Variants in GBE1 observed in about 807,000 individuals in gnomAD.
The protein encoded by GBE1 is 1,4-alpha-glucan branching enzyme 1, also known as 1,4-alpha-glucan-branching enzyme.
In GBE1, 70 loss-of-function variants were observed where a neutral mutation model predicts 88.8. The ratio of observed to expected loss-of-function variants is 0.79; its 90% CI spans 0.65 to 0.96. GBE1 has a LOEUF of 0.96. Ranked by LOEUF, GBE1 falls within the 40% of genes least tolerant of loss-of-function variation. GBE1 has a pLI of 0.00. For synonymous variants in GBE1, 284 were observed against 300.1 expected (o/e 0.95, Z 0.56); for missense variants, 872 against 871.0 (o/e 1.00, Z -0.01).
intron 12 of GBE1, among the ~76,000 whole-genome samples, chr3:81,539,531 G>A (rs1040237248): frequency 1.3e-5 from 2 of 151,886 alleles, no homozygotes; most frequent in African/African-American, 2.4e-5. Flanking sequence ...AAAAAAGACT[G>A]GATATCAGGG....
At chr3:81,708,542 G>A (rs768718375) in intron 1 of GBE1, among the ~76,000 whole-genome samples, 2 of 152,076 alleles carry the variant, frequency 1.3e-5, no homozygotes, top group South Asian at 2.1e-4. Flanking sequence ...TATGGTTCAG[G>A]AGAAAAGACA....
chr3:81,654,987 C>G (rs1446763412), intron 3 of GBE1: 1 of 152,034 alleles, frequency 6.6e-6, no homozygotes, highest in Non-Finnish European at 1.5e-5. Flanking sequence ...TGAGTTGTCC[C>G]GAGTTCTGGA....
chr3:81,612,803 C>A, intron 7 of GBE1: 2 of 430,412 alleles, frequency 4.6e-6, no homozygotes, highest in South Asian at 3.8e-5. Context: ...CAGAGAGCTT[C>A]TTTACCTGAT....
At chr3:81,672,480 C>T (rs1002034376) in intron 2 of GBE1, among the ~76,000 whole-genome samples, 7 of 151,812 alleles carry the variant, frequency 4.6e-5, no homozygotes, top group African/African-American at 1.7e-4. Flanking sequence ...ATCCCACACA[C>T]AAAAGTTAAT....
chr3:81,551,850 AATGCTCCT>A (rs1205839009), intron 12 of GBE1, among the ~76,000 whole-genome samples: 1 of 152,150 alleles, frequency 6.6e-6, no homozygotes, highest in Non-Finnish European at 1.5e-5. Flanking sequence ...ATATGAGACA[AATGCTCCT>A]GTTCCATCTA....
chr3:81,637,029 C>CTA (rs1424830936), intron 7 of GBE1, among the ~76,000 whole-genome samples: 1 of 152,040 alleles, frequency 6.6e-6, no homozygotes, highest in Non-Finnish European at 1.5e-5. Flanking sequence ...ATACCAAACC[C>CTA]TATATATACT....
intron 12 of GBE1, among the ~76,000 whole-genome samples, chr3:81,539,969 C>T (rs1221608378): frequency 6.6e-6 from 1 of 151,552 alleles, no homozygotes; most frequent in Admixed American, 6.6e-5. Flanking sequence ...TAATGAGAGC[C>T]ACCAGAGAAA....
intron 3 of GBE1, among the ~76,000 whole-genome samples, chr3:81,670,018 T>C (rs1161298009): frequency 6.6e-6 from 1 of 152,218 alleles, no homozygotes; most frequent in East Asian, 1.9e-4. Context: ...ATAGGATTTA[T>C]CATGGTAAAT....
intron 12 of GBE1, among the ~76,000 whole-genome samples, chr3:81,565,882 C>T (rs1458260489): frequency 2.6e-5 from 4 of 152,148 alleles, no homozygotes; most frequent in African/African-American, 7.2e-5. Context: ...AATCTATTTA[C>T]ATACATTTTG....
intron 1 of GBE1, among the ~76,000 whole-genome samples, chr3:81,739,468 T>G (rs1706317708): frequency 6.6e-6 from 1 of 152,130 alleles, no homozygotes; most frequent in Non-Finnish European, 1.5e-5. Context: ...ATTATTCCTA[T>G]TACCTCCAAC....
At chr3:81,550,708 T>A (rs1393285816) in intron 12 of GBE1, among the ~76,000 whole-genome samples, 1 of 152,082 alleles carries the variant, frequency 6.6e-6, no homozygotes, top group African/African-American at 2.4e-5. Flanking sequence ...CCTCTGGTCA[T>A]CCTCATTGCT....
chr3:81,610,441 A>C, intron 7 of GBE1, among the ~76,000 whole-genome samples: 1 of 152,210 alleles, frequency 6.6e-6, no homozygotes, highest in East Asian at 1.9e-4. Flanking sequence ...AAAGGTCTAC[A>C]TTTGTTTCTC....
intron 7 of GBE1, among the ~76,000 whole-genome samples, chr3:81,622,290 A>T (rs1487955559): frequency 6.6e-6 from 1 of 152,212 alleles, no homozygotes; most frequent in Non-Finnish European, 1.5e-5. Flanking sequence ...ATCTAAATTA[A>T]ACTCTGCAAA....
chr3:81,691,921 G>T (rs2107145320), intron 2 of GBE1, among the ~76,000 whole-genome samples: 1 of 152,274 alleles, frequency 6.6e-6, no homozygotes, highest in East Asian at 1.9e-4. Context: ...ACTCTTAGAG[G>T]AAGGGATCTG....
At chr3:81,511,227 G>A (rs1424522712) in intron 14 of GBE1, among the ~76,000 whole-genome samples, 1 of 151,892 alleles carries the variant, frequency 6.6e-6, no homozygotes, top group African/African-American at 2.4e-5. Context: ...AAAAACCCTA[G>A]AAGAAAACCT....
At chr3:81,676,985 C>T (rs1356565899) in intron 2 of GBE1, among the ~76,000 whole-genome samples, 1 of 152,102 alleles carries the variant, frequency 6.6e-6, no homozygotes, top group African/African-American at 2.4e-5. Flanking sequence ...TATCTCATAC[C>T]CAACAACCTT....
chr3:81,758,547 G>A (rs1194287107), intron 1 of GBE1, among the ~76,000 whole-genome samples: 2 of 152,144 alleles, frequency 1.3e-5, no homozygotes, highest in South Asian at 2.1e-4. Flanking sequence ...AGGGCCCTCT[G>A]GCTGACTCAT....
At chr3:81,652,047 TG>T (rs1704858649) in intron 3 of GBE1, among the ~76,000 whole-genome samples, 1 of 152,242 alleles carries the variant, frequency 6.6e-6, no homozygotes, top group South Asian at 2.1e-4. Context: ...CCATTGTTAA[TG>T]GGAGCCATTT....
At chr3:81,499,298 C>T in intron 14 of GBE1, 71 bp from the exon 15 acceptor site, 1 of 879,510 alleles carries the variant, frequency 1.1e-6, no homozygotes, top group Non-Finnish European at 1.9e-6. Context: ...GCTGAGAGAG[C>T]AATTTAGAAG....
Sources: allele counts gnomAD v4.1 joint callset (sites outside exome capture counted in the v4.1 genomes callset), GRCh38; gene constraint gnomAD v4.1.1; transcripts MANE v1.5; gene names NCBI Gene and HGNC (gene_info 2026-07-23, HGNC 2026-07-21).